Variants in ZGRF1 observed in about 807,000 individuals in gnomAD.
ZGRF1 encodes the protein zinc finger GRF-type containing 1.
Under a neutral mutation model 203.5 loss-of-function variants are expected in ZGRF1, and 196 were observed. The ratio of observed to expected loss-of-function variants is 0.96; its 90% CI spans 0.86 to 1.08. ZGRF1 has a LOEUF of 1.08. Among genes scored for constraint, ZGRF1 ranks in the 50% least tolerant of loss-of-function variants. The probability of loss-of-function intolerance (pLI) is 0.00; values close to 1 mark genes in which losing one functional copy is unlikely to be tolerated. For missense variants in ZGRF1, 2,326 were observed against 2,416.3 expected, an observed-to-expected ratio of 0.96 and a Z score of 0.78; for synonymous variants, 809 against 841.3, an observed-to-expected ratio of 0.96 and a Z score of 0.66.
chr4:112,592,282 G>A (rs1249329092), intron 10 of ZGRF1, among the ~76,000 whole-genome samples: 1 of 151,902 alleles, frequency 6.6e-6, no homozygotes, highest in Admixed American at 6.6e-5. Flanking sequence ...GCTTTTAGTA[G>A]AGACGGGGTT....
chr4:112,539,511 A>G lies in ZGRF1; in HGVS notation c.*36T>C. 9.5e-7 allele frequency: 1 copy of G among 1,050,170 alleles called. No homozygotes were observed. Among genetic ancestry groups the G allele is most frequent in the Non-Finnish European group, 1.4e-6 (1 of 714,918 alleles). The allele number at this position is 1,050,170 out of a possible 1,614,324, so 65.1% of individuals were successfully genotyped here. Reference sequence around the variant, plus strand: ...AATATATCATGTAAAATGAGTCTGAATTTACATAAATACAAAATATTTACA... The same window carrying G: ...AATATATCATGTAAAATGAGTCTGAGTTTACATAAATACAAAATATTTACA... On this transcript the variant is annotated 3_prime_UTR_variant, in exon 28 of 28. Coordinates refer to ENST00000505019, the MANE Select transcript of ZGRF1 (RefSeq NM_018392.5).
In ZGRF1 at chr4:112,584,156, A is replaced by G; in HGVS notation, c.4120T>C (p.Cys1374Arg). 1 of 1,604,244 alleles carries G rather than the reference A, an allele frequency of 6.2e-7. No individual in the cohort carries two copies. The highest frequency in any genetic ancestry group is 8.5e-7 in the Non-Finnish European group (1 of 1,177,004). The change falls in exon 15 of 28, where the codon TGT becomes CGT. Residue 1374 changes from cysteine to arginine, a missense_variant. Physicochemically the swap from Cys to Arg is radical, Grantham distance 180 (BLOSUM62 -3). Coordinates refer to ENST00000505019, the MANE Select transcript of ZGRF1 (RefSeq NM_018392.5). The stretch of plus-strand genomic sequence containing the variant: ...CATCGATCAGCTTTGGGTCCATCAC[A>G]TGTATAAAAGAGACGACCCTAAGGG... ...GPNKGRLFYT[C>R]DGPKADRCKF...
At chr4:112,584,409 A>G (rs1746814430) in intron 14 of ZGRF1, among the ~76,000 whole-genome samples, 2 of 152,194 alleles carry the variant, frequency 1.3e-5, no homozygotes, top group African/African-American at 4.8e-5. Flanking sequence ...CTTATTTGAA[A>G]ATTTGTTTTT....
intron 6 of ZGRF1, among the ~76,000 whole-genome samples, chr4:112,615,635 T>C (rs1266985856): frequency 7.9e-6 from 1 of 126,126 alleles, no homozygotes; most frequent in African/African-American, 2.6e-5. Context: ...GCTTTTTACT[T>C]TTTTTTTTTT....
At chr4:112,581,410 C>T (rs1746224876) in intron 16 of ZGRF1, among the ~76,000 whole-genome samples, 1 of 149,506 alleles carries the variant, frequency 6.7e-6, no homozygotes, top group African/African-American at 2.5e-5. Context: ...CACATGTACC[C>T]TAAAACTTAA....
rs746612921 is a variant in ZGRF1, at chr4:112,618,007, G to A, written c.2035C>T (p.Pro679Ser). 1 of 1,612,538 alleles carries A rather than the reference G, an allele frequency of 6.2e-7. No homozygotes were observed. Among genetic ancestry groups the A allele is most frequent in the Non-Finnish European group, 8.5e-7 (1 of 1,179,692 alleles). Residue 679 changes from proline (P) to serine (S), a missense_variant, in exon 6 of 28, where the codon CCG becomes TCG. Physicochemically the swap from Pro to Ser is moderately conservative, Grantham distance 74 (BLOSUM62 -1). Coordinates refer to ENST00000505019, the MANE Select transcript of ZGRF1 (RefSeq NM_018392.5). ...VRINYDFALP[P>S]NKSKGINMNL... ...ATGTTTATACCTTTAGATTTATTCG[G>A]GGGTAAAGCAAAATCATAGTTAATT...
At chr4:112,624,423 T>C (rs1010078817) in intron 3 of ZGRF1, among the ~76,000 whole-genome samples, 1 of 151,600 alleles carries the variant, frequency 6.6e-6, no homozygotes, top group Non-Finnish European at 1.5e-5. Flanking sequence ...CGCCACTGCA[T>C]TCCAGCCTAG....
In ZGRF1 at chr4:112,603,494, G is replaced by T. The variant is rs767821804; in HGVS notation, c.2976+30C>A. 5 of 1,543,276 alleles carry T rather than the reference G, an allele frequency of 3.2e-6. No individual in the cohort carries two copies. The Admixed American group carries it at 7.0e-5, about 22-fold the overall frequency. On this transcript the variant is annotated intron_variant, in intron 10 of 27. Coordinates refer to ENST00000505019, the MANE Select transcript of ZGRF1 (RefSeq NM_018392.5). ...AGTATTAACATAAAGAAAATGATTT[G>T]GCAAAATGCAACTATAAAAATATTT...
rs562720563 is a variant in ZGRF1 at position 112,599,969 on chromosome 4, C to G, written c.2976+3555G>C. ...AATCAATTACAGGTAAACTGTAGAT[C>G]AAAATGTGAAATGTAAATTAATAAA... On this transcript the variant is annotated intron_variant, in intron 10 of 27. Transcript: ENST00000505019. Among the ~76,000 whole-genome samples, 9 of 152,108 alleles carry G rather than the reference C, an allele frequency of 5.9e-5. No individual in the cohort carries two copies. In the South Asian group the frequency reaches 1.9e-3, roughly 32 times the overall value.
At position 112,619,237 on chromosome 4, in the gene ZGRF1, C is replaced by A. The variant is rs778020764; in HGVS notation, c.805G>T (p.Glu269Ter). ...TGCTCTGTCATCTCAGAATTTAGTT[C>A]CTCACATGAACTAGATGATTCGGAC... ...LKSESSSSCE[E>*]LNSEMTEHFP... Residue 269 changes from glutamate (E) to a stop codon, truncating the protein, a stop_gained, in exon 6 of 28, where the codon GAA becomes TAA. Transcript: ENST00000505019. LOFTEE classifies it high-confidence loss of function. 2 of 1,613,156 alleles carry A rather than the reference C, an allele frequency of 1.2e-6. No individual in the cohort carries two copies. The highest frequency in any genetic ancestry group is 1.7e-6 in the Non-Finnish European group (2 of 1,179,960).
chr4:112,576,619 T>G lies in ZGRF1; in HGVS notation c.4438+5044A>C, dbSNP rs538598600. ...GAGCTGAAAACCATGGCACGAGAAC[T>G]GCATGATAAATGCACAAGACTCAGT... On this transcript the variant is annotated intron_variant, in intron 16 of 27. Coordinates refer to ENST00000505019, the MANE Select transcript of ZGRF1 (RefSeq NM_018392.5). 3.9e-5 allele frequency among the ~76,000 whole-genome samples: 6 copies of G among 152,184 alleles called. No homozygotes were observed. In the East Asian group the frequency reaches 1.2e-3, roughly 29 times the overall value.
chr4:112,570,981 G>A (rs1357850325), intron 16 of ZGRF1, among the ~76,000 whole-genome samples: 18 of 151,994 alleles, frequency 1.2e-4, no homozygotes, highest in Admixed American at 1.2e-3. Flanking sequence ...GTAGGTGCCT[G>A]TAGTCCCAGC....
In ZGRF1 at chr4:112,609,412, T is replaced by C; in HGVS notation, c.2685A>G (p.Glu895=). 1.3e-6 allele frequency: 2 copies of C among 1,561,280 alleles called. No individual in the cohort carries two copies. The highest frequency in any genetic ancestry group is 1.8e-6 in the Non-Finnish European group (2 of 1,140,632). The part of the protein sequence containing the change: ...KDSQQILKED[E]VELSEPLQSV... ...ACTGAAGTGGTTCACTTAGTTCAAC[T>C]TCATCTTCTTTTAGTATCTTAGGAA... Residue 895 remains glutamate (E), a synonymous_variant, in exon 8 of 28, where the codon GAA becomes GAG. Coordinates refer to ENST00000505019, the MANE Select transcript of ZGRF1 (RefSeq NM_018392.5).
chr4:112,596,864 A>G (rs959510051), intron 10 of ZGRF1, among the ~76,000 whole-genome samples: 3 of 152,012 alleles, frequency 2.0e-5, no homozygotes, highest in Non-Finnish European at 2.9e-5. Context: ...AAGTGCTGGG[A>G]TTATCTAGCA....
rs567825216 is a variant in ZGRF1, at chr4:112,559,757, T to G, written c.4960+976A>C. 6.2e-4 allele frequency among the ~76,000 whole-genome samples: 95 copies of G among 152,292 alleles called. No homozygotes were observed. The South Asian group carries it at 0.019, about 31-fold the overall frequency. On this transcript the variant is annotated intron_variant, in intron 19 of 27. Transcript: ENST00000505019. ...AGGAAATTAAAGATTAAGAGATATA[T>G]AACCTGCCCAAAATCATACAGCTAA...
intron 16 of ZGRF1, among the ~76,000 whole-genome samples, chr4:112,577,519 G>A (rs1395622102): frequency 8.2e-6 from 1 of 122,488 alleles, no homozygotes; most frequent in Non-Finnish European, 1.8e-5. Context: ...TCAGTGTGCT[G>A]TATTCAGGAA....
In ZGRF1 at chr4:112,617,608, T is replaced by A; in HGVS notation, c.2434A>T (p.Asn812Tyr). The A allele has an allele frequency of 6.2e-7, 1 of 1,613,548 alleles. No homozygotes were observed. The highest frequency in any genetic ancestry group is 1.1e-5 in the South Asian group (1 of 90,882). ...GAAAGTTCTGAAGAATTTCTAGGATTCCAGTATTGTTTGCCTTCTCTGGCA... is the reference window on the plus strand; with the variant it reads ...GAAAGTTCTGAAGAATTTCTAGGATACCAGTATTGTTTGCCTTCTCTGGCA... ...ETAREGKQYW[N>Y]PRNSSELSGL... The change falls in exon 6 of 28, where the codon AAT becomes TAT. Residue 812 changes from asparagine (N) to tyrosine (Y), a missense_variant. Physicochemically the swap from Asn to Tyr is moderately radical, Grantham distance 143. Transcript: ENST00000505019.
At chr4:112,559,067 A>G (rs1248530290) in intron 19 of ZGRF1, among the ~76,000 whole-genome samples, 2 of 152,260 alleles carry the variant, frequency 1.3e-5, no homozygotes, top group Non-Finnish European at 2.9e-5. Flanking sequence ...CAAATAGGCA[A>G]GAGATGAGGC....
At chr4:112,573,517 G>A (rs755271138) in intron 16 of ZGRF1, among the ~76,000 whole-genome samples, 19 of 151,962 alleles carry the variant, frequency 1.3e-4, no homozygotes, top group East Asian at 5.8e-4. Context: ...GCTTATTCAC[G>A]TAACCAAACA....
Sources: allele counts gnomAD v4.1 joint callset (sites outside exome capture counted in the v4.1 genomes callset), GRCh38; gene constraint gnomAD v4.1.1; transcripts MANE v1.5; gene names NCBI Gene and HGNC (gene_info 2026-07-23, HGNC 2026-07-21).